The following SHC3 variants were observed in gnomAD, a reference collection of about 807,000 sequenced individuals.
SHC3 encodes the protein SHC adaptor protein 3, also known as SHC-transforming protein 3.
SHC3 carries 15 observed loss-of-function variants against 60.4 expected under a neutral mutation model. That is an observed-to-expected ratio of 0.25 (90% CI 0.17 to 0.38). The LOEUF (loss-of-function observed/expected upper bound fraction) is 0.38, where lower values mean the gene tolerates loss of function less well. Ranked by LOEUF, SHC3 falls within the 10% of genes least tolerant of loss-of-function variation. SHC3 has a pLI of 1.00. For missense variants in SHC3, 677 were observed against 786.1 expected (o/e 0.86, Z 1.66); for synonymous variants, 294 against 325.9 (o/e 0.90, Z 1.05).
At chr9:89,071,162 CCAA>C in intron 5 of SHC3, 34 bp downstream of exon 5, 1 of 1,606,376 alleles carries the variant, frequency 6.2e-7, no homozygotes, top group Non-Finnish European at 8.5e-7. Flanking sequence ...TCAGAAATTC[CCAA>C]CAAGAGCAAG....
At chr9:89,105,276 TG>T (rs1418516475) in intron 2 of SHC3, among the ~76,000 whole-genome samples, 1 of 152,202 alleles carries the variant, frequency 6.6e-6, no homozygotes, top group Non-Finnish European at 1.5e-5. Context: ...CTGTAGTCTC[TG>T]GGTTCAGACT....
chr9:89,111,707 C>A (rs924557229), intron 2 of SHC3, among the ~76,000 whole-genome samples: 6 of 152,078 alleles, frequency 3.9e-5, no homozygotes, highest in African/African-American at 9.7e-5. Flanking sequence ...ATGACTAAAC[C>A]AGTTGCTTTC....
rs112084362 is a variant in SHC3, at chr9:89,103,085, C to T, written c.545+9471G>A. ...GAGGAATGTTTGGAAAGGTGTGCTG[C>T]AGCCAGGCAAGCGGAACTTAACGAT... is the stretch of plus-strand genomic sequence containing the variant. On this transcript the variant is annotated intron_variant, in intron 2 of 11. Coordinates refer to ENST00000375835, the MANE Select transcript of SHC3 (RefSeq NM_016848.6). Among the ~76,000 whole-genome samples the T allele has an allele frequency of 7.6e-3, 1,163 of 152,244 alleles. 19 individuals carry two copies. Among genetic ancestry groups the T allele is most frequent in the African/African-American group, 0.026 (1,100 of 41,528 alleles).
chr9:89,095,894 A>G (rs192512616), intron 2 of SHC3, among the ~76,000 whole-genome samples: 3 of 152,270 alleles, frequency 2.0e-5, no homozygotes, highest in African/African-American at 4.8e-5. Context: ...CTGAGGCTAT[A>G]AATAATTGAG....
intron 1 of SHC3, among the ~76,000 whole-genome samples, chr9:89,154,592 ATC>A (rs751832758): frequency 3.3e-5 from 5 of 152,200 alleles, no homozygotes; most frequent in African/African-American, 4.8e-5. Context: ...CTAATCATGT[ATC>A]TGTTTCCTCA....
intron 9 of SHC3, among the ~76,000 whole-genome samples, chr9:89,042,725 G>T (rs1001962624): frequency 1.3e-5 from 2 of 152,202 alleles, no homozygotes; most frequent in African/African-American, 4.8e-5. Context: ...GTCTGTGAAG[G>T]AAGCCCAGGG....
intron 1 of SHC3, among the ~76,000 whole-genome samples, chr9:89,165,958 G>C (rs933299049): frequency 3.3e-5 from 5 of 152,076 alleles, no homozygotes; most frequent in Non-Finnish European, 7.4e-5. Context: ...TCTCCACACA[G>C]AAGGTAGAAT....
intron 10 of SHC3, 36 bp from the exon 11 acceptor site, chr9:89,038,324 C>T (rs1449144311): frequency 2.0e-6 from 3 of 1,470,230 alleles, no homozygotes; most frequent in African/African-American, 3.0e-5. Context: ...ACAAGTCAAT[C>T]CCAAGAAGAG....
chr9:89,074,290 C>T (rs578244392), intron 4 of SHC3, among the ~76,000 whole-genome samples: 4 of 152,188 alleles, frequency 2.6e-5, no homozygotes, highest in Admixed American at 6.5e-5. Context: ...AGGTCCCATC[C>T]GAGCTCCAGC....
At chr9:89,094,708 A>C (rs1005697601) in intron 2 of SHC3, among the ~76,000 whole-genome samples, 4 of 152,142 alleles carry the variant, frequency 2.6e-5, no homozygotes, top group African/African-American at 9.7e-5. Flanking sequence ...GACTGTTTGC[A>C]ACAGAAGCCC....
chr9:89,161,333 C>T (rs1053078296), intron 1 of SHC3, among the ~76,000 whole-genome samples: 10 of 152,098 alleles, frequency 6.6e-5, no homozygotes, highest in Admixed American at 2.0e-4. Context: ...CTCTTGCTCC[C>T]GCTTCTGCCA....
chr9:89,066,524 A>G (rs1825184220), intron 5 of SHC3, among the ~76,000 whole-genome samples: 2 of 152,226 alleles, frequency 1.3e-5, no homozygotes, highest in South Asian at 4.1e-4. Context: ...CACGGCAACC[A>G]TATGCATTTT....
intron 1 of SHC3, among the ~76,000 whole-genome samples, chr9:89,156,998 C>T (rs572730990): frequency 4.9e-4 from 75 of 152,194 alleles, no homozygotes; most frequent in South Asian, 4.2e-3. Flanking sequence ...ATAACTTATG[C>T]CTCCCTGCCT....
At chr9:89,133,723 G>A (rs1826281843) in intron 1 of SHC3, among the ~76,000 whole-genome samples, 1 of 152,040 alleles carries the variant, frequency 6.6e-6, no homozygotes, top group Admixed American at 6.6e-5. Context: ...AGAACACTTG[G>A]ACACAGGGTA....
intron 1 of SHC3, among the ~76,000 whole-genome samples, chr9:89,164,859 A>G (rs1826762824): frequency 1.3e-5 from 2 of 152,232 alleles, no homozygotes; most frequent in South Asian, 4.1e-4. Flanking sequence ...GCCAGGAGCA[A>G]CAAAGTAGCC....
At chr9:89,153,351 C>T (rs898886858) in intron 1 of SHC3, among the ~76,000 whole-genome samples, 7 of 152,282 alleles carry the variant, frequency 4.6e-5, no homozygotes, top group South Asian at 2.1e-4. Context: ...AGGCAGCGGC[C>T]GCTGGGAGCT....
At chr9:89,091,953 G>A (rs911817155) in intron 2 of SHC3, among the ~76,000 whole-genome samples, 5 of 152,206 alleles carry the variant, frequency 3.3e-5, no homozygotes, top group African/African-American at 9.6e-5. Flanking sequence ...GGTAAGTGAA[G>A]TGAACAGGTA....
intron 1 of SHC3, among the ~76,000 whole-genome samples, chr9:89,118,452 A>G (rs1178343715): frequency 2.6e-5 from 4 of 152,152 alleles, no homozygotes; most frequent in Non-Finnish European, 5.9e-5. Flanking sequence ...TTTAAAAAGA[A>G]GAAAAGAAAT....
chr9:89,048,989 C>A (rs1035997840), intron 7 of SHC3, among the ~76,000 whole-genome samples: 1 of 152,194 alleles, frequency 6.6e-6, no homozygotes, highest in African/African-American at 2.4e-5. Flanking sequence ...CGGCCGGGCA[C>A]GGTGATTTAC....
Sources: gnomAD v4.1 joint callset for allele counts (sites outside exome capture counted in the v4.1 genomes callset) on GRCh38, gnomAD v4.1.1 for gene constraint, MANE v1.5 for transcripts, NCBI Gene and HGNC (gene_info 2026-07-23, HGNC 2026-07-21) for gene names.